Variants in STX17 observed in about 807,000 individuals in gnomAD.
The protein encoded by STX17 is syntaxin 17, also known as syntaxin-17.
Under a neutral mutation model 35.9 loss-of-function variants are expected in STX17, and 29 were observed. The ratio of observed to expected loss-of-function variants is 0.81; its 90% confidence interval spans 0.60 to 1.10. The LOEUF is 1.10. Among genes scored for constraint, STX17 ranks in the 50% least tolerant of loss-of-function variants. The pLI is 0.00. For missense variants in STX17, 312 were observed against 352.3 expected (o/e 0.89, Z 0.92); for synonymous variants, 92 against 118.3 (o/e 0.78, Z 1.44).
At chr9:99,915,572 G>C (rs1485203607) in intron 2 of STX17, among the ~76,000 whole-genome samples, 2 of 152,076 alleles carry the variant, frequency 1.3e-5, no homozygotes, top group Non-Finnish European at 2.9e-5. Context: ...AGGGATATAG[G>C]AATAGAGTCT....
intron 3 of STX17, among the ~76,000 whole-genome samples, chr9:99,932,778 T>C (rs1329411190): frequency 6.6e-6 from 1 of 152,206 alleles, no homozygotes; most frequent in Non-Finnish European, 1.5e-5. Flanking sequence ...TCATATCTGC[T>C]CTGAATTTTG....
chr9:99,937,815 C>G (rs1366097375), intron 3 of STX17: 2 of 151,984 alleles, frequency 1.3e-5, no homozygotes, highest in African/African-American at 2.4e-5. Context: ...TTGGTAGGTG[C>G]TGGATATTTT....
Position 99,968,647 on chromosome 9 carries a change from A to G in STX17, c.883A>G (p.Ser295Gly). 6.2e-7 allele frequency: 1 copy of G among 1,613,900 alleles called. No individual in the cohort carries two copies. Among genetic ancestry groups the G allele is most frequent in the Non-Finnish European group, 8.5e-7 (1 of 1,179,900 alleles). Residue 295 changes from serine (S) to glycine (G), a missense_variant, in exon 8 of 8, where the codon AGC becomes GGC. Coordinates refer to ENST00000259400, the MANE Select transcript of STX17 (RefSeq NM_017919.3). ...CACTTCCAGCTGTCCAGATCTTCCC[A>G]GCCAAACTGACAAGAAATGCAGTTA... ...KLTSSCPDLPSQTDKKCS is the reference protein window; with the variant it reads ...KLTSSCPDLPGQTDKKCS
intron 2 of STX17, among the ~76,000 whole-genome samples, chr9:99,926,247 A>T (rs1285738388): frequency 1.3e-5 from 2 of 152,078 alleles, no homozygotes; most frequent in African/African-American, 4.8e-5. Context: ...GGAACATATC[A>T]TAATAACTGT....
intron 1 of STX17, among the ~76,000 whole-genome samples, chr9:99,910,960 C>T (rs1034654616): frequency 1.3e-5 from 2 of 152,108 alleles, no homozygotes; most frequent in Admixed American, 1.3e-4. Flanking sequence ...GATCCTCCTA[C>T]CTCGGCTTCC....
chr9:99,960,154 A>G lies in STX17; in HGVS notation c.581A>G (p.Asn194Ser). ...GTCACTGACTTCTCTCTCCTAGTGA[A>G]TGTAAGTATATAACTGTTTTGGATG... ...QLVTDFSLLV[N>S]SQQEKIDSIA... The change falls in exon 6 of 8, where the codon AAT (asparagine) becomes AGT (serine). Residue 194 changes from asparagine to serine, a missense_variant and splice_region_variant. Coordinates refer to ENST00000259400, the MANE Select transcript of STX17 (RefSeq NM_017919.3). 6.2e-7 allele frequency: 1 copy of G among 1,613,818 alleles called. No homozygotes were observed. Among genetic ancestry groups the G allele is most frequent in the South Asian group, 1.1e-5 (1 of 91,068 alleles).
At chr9:99,963,475 C>T (rs1207774508) in intron 6 of STX17, among the ~76,000 whole-genome samples, 1 of 152,130 alleles carries the variant, frequency 6.6e-6, no homozygotes, top group Non-Finnish European at 1.5e-5. Context: ...GATCAGATTC[C>T]TTCATTTATT....
At chr9:99,918,170 C>T (rs568420360) in intron 2 of STX17, among the ~76,000 whole-genome samples, 1 of 152,266 alleles carries the variant, frequency 6.6e-6, no homozygotes, top group African/African-American at 2.4e-5. Flanking sequence ...CACTCTGTTG[C>T]CCAGGCTGGA....
intron 6 of STX17, among the ~76,000 whole-genome samples, chr9:99,962,135 C>T (rs1226419492): frequency 6.6e-6 from 1 of 152,166 alleles, no homozygotes; most frequent in African/African-American, 2.4e-5. Context: ...CTAGGCTTCT[C>T]AATACTGGCT....
At chr9:99,936,611 G>A (rs1829241191) in intron 3 of STX17, among the ~76,000 whole-genome samples, 1 of 151,636 alleles carries the variant, frequency 6.6e-6, no homozygotes, top group African/African-American at 2.4e-5. Context: ...CTCTTTTAGT[G>A]GTTCCTTTAG....
At chr9:99,909,809 T>C (rs61042077) in intron 1 of STX17, among the ~76,000 whole-genome samples, 2,710 of 152,332 alleles carry the variant, frequency 0.018, 75 homozygotes, top group African/African-American at 0.062. Flanking sequence ...AATAAATGCT[T>C]GAGGTGATGG....
intron 6 of STX17, 24 bp downstream of exon 6, chr9:99,960,179 G>A: frequency 1.2e-6 from 2 of 1,607,530 alleles, no homozygotes; most frequent in South Asian, 2.2e-5. Flanking sequence ...TGTTTTGGAT[G>A]CAGAATTGTT....
chr9:99,922,950 G>A (rs1335385899), intron 2 of STX17, among the ~76,000 whole-genome samples: 2 of 152,176 alleles, frequency 1.3e-5, no homozygotes, highest in South Asian at 4.1e-4. Flanking sequence ...AAAAGATGAA[G>A]AAAATTGTTC....
intron 4 of STX17, among the ~76,000 whole-genome samples, chr9:99,953,762 A>G (rs910795561): frequency 6.6e-6 from 1 of 152,036 alleles, no homozygotes; most frequent in Admixed American, 6.6e-5. Context: ...ATCTCTAGCA[A>G]TTCCCCTATC....
chr9:99,956,422 T>C (rs1829712859), intron 4 of STX17, among the ~76,000 whole-genome samples: 8 of 152,168 alleles, frequency 5.3e-5, no homozygotes. Flanking sequence ...TCCTTTATAT[T>C]TGATCTGTTA....
chr9:99,951,078 C>T lies in STX17; in HGVS notation c.208C>T (p.Arg70Ter), dbSNP rs1829582234. 5.0e-6 allele frequency: 8 copies of T among 1,608,690 alleles called. No homozygotes were observed. The highest frequency in any genetic ancestry group is 5.9e-6 in the Non-Finnish European group (7 of 1,177,388). The change falls in exon 4 of 8, where the codon CGA (arginine) becomes TGA (stop). Residue 70 changes from arginine to a stop codon, truncating the protein, a stop_gained. Transcript: ENST00000259400. LOFTEE classifies it high-confidence loss of function. The stretch of plus-strand genomic sequence containing the variant: ...TTTATAGCAACTCCGATCCAATATC[C>T]GAGAAATTGAGAAACTTTGTTTGAA... The part of the protein sequence containing the change: ...RTVQQLRSNI[R>*]EIEKLCLKVR...
intron 3 of STX17, among the ~76,000 whole-genome samples, chr9:99,931,595 C>T (rs1429728760): frequency 1.3e-5 from 2 of 151,634 alleles, no homozygotes; most frequent in African/African-American, 4.8e-5. Context: ...TGGCTGCTTT[C>T]ACACGGTAAC....
At position 99,969,551 on chromosome 9, in the gene STX17, GAAAA is replaced by G. The variant is rs1334056916; in HGVS notation, c.*882_*885del. On this transcript the variant is annotated 3_prime_UTR_variant, in exon 8 of 8. Coordinates refer to ENST00000259400, the MANE Select transcript of STX17 (RefSeq NM_017919.3). ...CTATAACCTCTAGGTAAAAAGAAAAGAAAAAAAGAAATTTCGAGATATTTTCAAC... is the reference window on the plus strand; with the variant it reads ...CTATAACCTCTAGGTAAAAAGAAAAGAAAGAAATTTCGAGATATTTTCAAC... 6.6e-6 allele frequency: 1 copy of G among 151,954 alleles called. No homozygotes were observed. The highest frequency in any genetic ancestry group is 2.4e-5 in the African/African-American group (1 of 41,320). The allele number at this position is 151,954 out of a possible 1,614,324, so 9.4% of individuals were successfully genotyped here.
At chr9:99,918,882 G>A (rs763842683) in intron 2 of STX17, among the ~76,000 whole-genome samples, 9 of 152,144 alleles carry the variant, frequency 5.9e-5, no homozygotes, top group Non-Finnish European at 1.3e-4. Context: ...TTGTGGCAGG[G>A]GTTGGGTGAG....
Sources: allele counts gnomAD v4.1 joint callset (sites outside exome capture counted in the v4.1 genomes callset), GRCh38; gene constraint gnomAD v4.1.1; transcripts MANE v1.5; gene names NCBI Gene and HGNC (gene_info 2026-07-23, HGNC 2026-07-21).